Variants in BBS9 observed in about 807,000 individuals in gnomAD.
The protein encoded by BBS9 is protein PTHB1.
BBS9 carries 89 observed loss-of-function variants against 117.7 expected under a neutral mutation model. The ratio of observed to expected loss-of-function variants is 0.76; its 90% confidence interval spans 0.64 to 0.90. BBS9 has a LOEUF of 0.90. Ranked by LOEUF, BBS9 falls within the 40% of genes least tolerant of loss-of-function variation. BBS9 has a pLI of 0.00. For missense variants in BBS9, 982 were observed against 1,042.2 expected (o/e 0.94, Z 0.80); for synonymous variants, 379 against 370.9 (o/e 1.02, Z -0.25).
chr7:33,442,084 G>A (rs370683279), intron 19 of BBS9, among the ~76,000 whole-genome samples: 1 of 152,028 alleles, frequency 6.6e-6, no homozygotes, highest in Non-Finnish European at 1.5e-5. Flanking sequence ...TAGAGACAGG[G>A]TTTCACCATG....
chr7:33,455,496 C>CT (rs1248305496), intron 19 of BBS9, among the ~76,000 whole-genome samples: 2 of 152,198 alleles, frequency 1.3e-5, no homozygotes, highest in East Asian at 3.9e-4. Flanking sequence ...ATCCCTTCTT[C>CT]TTTTTTGTTT....
rs185743653 is a variant in BBS9, at chr7:33,227,971, C to A, written c.443-29265C>A. ...ATGTGTCTTTTTCATATAATGACTTCTTTTCCTTTGGGTAGATATCCAGTA... is the reference window on the plus strand; with the variant it reads ...ATGTGTCTTTTTCATATAATGACTTATTTTCCTTTGGGTAGATATCCAGTA... On this transcript the variant is annotated intron_variant, in intron 5 of 22. Transcript: ENST00000242067. 2.7e-3 allele frequency among the ~76,000 whole-genome samples: 415 copies of A among 152,148 alleles called. 1 individual carries two copies. The highest frequency in any genetic ancestry group is 9.7e-3 in the African/African-American group (404 of 41,526).
At chr7:33,567,098 G>T (rs995040688) in intron 21 of BBS9, among the ~76,000 whole-genome samples, 1 of 152,128 alleles carries the variant, frequency 6.6e-6, no homozygotes, top group Admixed American at 6.5e-5. Flanking sequence ...AATTAGATGT[G>T]CATTTCTTAA....
At chr7:33,473,715 C>A (rs1439946988) in intron 19 of BBS9, among the ~76,000 whole-genome samples, 1 of 152,156 alleles carries the variant, frequency 6.6e-6, no homozygotes, top group African/African-American at 2.4e-5. Flanking sequence ...TATTTTCATA[C>A]TCTTGACTTT....
At chr7:33,169,092 A>G (rs1468875037) in intron 4 of BBS9, among the ~76,000 whole-genome samples, 1 of 152,032 alleles carries the variant, frequency 6.6e-6, no homozygotes, top group African/African-American at 2.4e-5. Context: ...TAGTTTACTG[A>G]GAATGATGCT....
chr7:33,629,191 C>T (rs906622694), intron 21 of BBS9, among the ~76,000 whole-genome samples: 6 of 152,130 alleles, frequency 3.9e-5, no homozygotes, highest in African/African-American at 1.4e-4. Context: ...ACATTAAAGT[C>T]CCCATACAGG....
chr7:33,134,423 A>G (rs931306126), intron 1 of BBS9, among the ~76,000 whole-genome samples: 5 of 151,882 alleles, frequency 3.3e-5, no homozygotes, highest in African/African-American at 9.7e-5. Flanking sequence ...AAAAATACCT[A>G]TTCAGACCCA....
intron 9 of BBS9, among the ~76,000 whole-genome samples, chr7:33,308,853 G>A (rs535108926): frequency 6.6e-6 from 1 of 152,272 alleles, no homozygotes; most frequent in African/African-American, 2.4e-5. Flanking sequence ...GGCCTCTTAG[G>A]AGCCACCAAC....
At chr7:33,136,389 T>C (rs1234626827) in intron 1 of BBS9, among the ~76,000 whole-genome samples, 2 of 152,230 alleles carry the variant, frequency 1.3e-5, no homozygotes, top group Non-Finnish European at 2.9e-5. Context: ...GCATCCAGTA[T>C]GATTTTGAAT....
intron 9 of BBS9, among the ~76,000 whole-genome samples, chr7:33,275,266 A>G (rs1411367121): frequency 3.3e-5 from 5 of 152,230 alleles, no homozygotes; most frequent in Non-Finnish European, 7.3e-5. Flanking sequence ...ATTGCTATGC[A>G]CTTAACACAA....
chr7:33,626,618 G>A (rs1865648922), intron 21 of BBS9, among the ~76,000 whole-genome samples: 1 of 152,194 alleles, frequency 6.6e-6, no homozygotes, highest in South Asian at 2.1e-4. Flanking sequence ...GGAACTTATT[G>A]GGAACTGGAC....
chr7:33,392,368 G>A (rs566895047), intron 19 of BBS9, among the ~76,000 whole-genome samples: 2 of 152,312 alleles, frequency 1.3e-5, no homozygotes, highest in South Asian at 2.1e-4. Flanking sequence ...TAGCTAGGAT[G>A]TATTTACTCA....
intron 21 of BBS9, among the ~76,000 whole-genome samples, chr7:33,612,237 C>T (rs1864919615): frequency 6.6e-6 from 1 of 151,958 alleles, no homozygotes. Flanking sequence ...GTGTAATACT[C>T]ATCTTTTGCA....
intron 9 of BBS9, chr7:33,276,686 C>A (rs568028999): frequency 2.6e-5 from 4 of 152,454 alleles, no homozygotes; most frequent in South Asian, 4.1e-4. Context: ...GCAAGAGCAT[C>A]TGCAGCCAAC....
intron 21 of BBS9, among the ~76,000 whole-genome samples, chr7:33,560,081 A>G (rs1010701920): frequency 6.6e-6 from 1 of 152,170 alleles, no homozygotes; most frequent in African/African-American, 2.4e-5. Context: ...ATTGTATTAT[A>G]GAGCTCTGTT....
chr7:33,259,890 G>A (rs767371800), intron 6 of BBS9, among the ~76,000 whole-genome samples: 7 of 129,796 alleles, frequency 5.4e-5, no homozygotes, highest in Non-Finnish European at 1.2e-4. Context: ...TTGGATTTCC[G>A]TTTTTTTTTT....
At chr7:33,448,936 G>T (rs113043911) in intron 19 of BBS9, among the ~76,000 whole-genome samples, 60 of 152,314 alleles carry the variant, frequency 3.9e-4, no homozygotes, top group African/African-American at 1.3e-3. Flanking sequence ...CCTCCCAGAG[G>T]ACAAGAGTAG....
At chr7:33,437,167 G>T (rs996757338) in intron 19 of BBS9, among the ~76,000 whole-genome samples, 7 of 152,150 alleles carry the variant, frequency 4.6e-5, no homozygotes, top group African/African-American at 1.7e-4. Flanking sequence ...TGTCTAGAAG[G>T]GTAATTAGAA....
At chr7:33,553,469 C>A (rs1854783521) in intron 21 of BBS9, among the ~76,000 whole-genome samples, 1 of 152,134 alleles carries the variant, frequency 6.6e-6, no homozygotes, top group Non-Finnish European at 1.5e-5. Flanking sequence ...TCTGCTGTCT[C>A]CCTCCCATTT....
Sources: gnomAD v4.1 joint callset for allele counts (sites outside exome capture counted in the v4.1 genomes callset) on GRCh38, gnomAD v4.1.1 for gene constraint, MANE v1.5 for transcripts, NCBI Gene and HGNC (gene_info 2026-07-23, HGNC 2026-07-21) for gene names.